The following RPS6KC1 variants were observed in gnomAD, a reference collection of about 807,000 sequenced individuals.
RPS6KC1 encodes inactive ribosomal protein S6 kinase delta-1.
RPS6KC1 carries 54 observed loss-of-function variants against 103.8 expected under a neutral mutation model. The observed-to-expected ratio is 0.52, with a 90% confidence interval of 0.42 to 0.65. The LOEUF (loss-of-function observed/expected upper bound fraction) is 0.65, where lower values mean the gene tolerates loss of function less well. Among genes scored for constraint, RPS6KC1 ranks in the 30% least tolerant of loss-of-function variants. The pLI is 0.00. For synonymous variants in RPS6KC1, 439 were observed against 438.7 expected (o/e 1.00, Z -0.01); for missense variants, 1,151 against 1,253.8 (o/e 0.92, Z 1.24).
the RPS6KC1 span, among the ~76,000 whole-genome samples, chr1:213,629,667 T>C: frequency 1.3e-5 from 2 of 152,220 alleles, no homozygotes; most frequent in Non-Finnish European, 1.5e-5. Flanking sequence ...TGATGCAGTT[T>C]CTTCCTAGCC....
chr1:213,445,698 A>G, the RPS6KC1 span, among the ~76,000 whole-genome samples: 1,316 of 152,314 alleles, frequency 8.6e-3, 7 homozygotes, highest in Non-Finnish European at 0.011. Flanking sequence ...AGGAATCTGA[A>G]GTAGCCGAGG....
At chr1:213,283,198 G>A in the RPS6KC1 span, among the ~76,000 whole-genome samples, 1 of 152,120 alleles carries the variant, frequency 6.6e-6, no homozygotes, top group Admixed American at 6.5e-5. Context: ...CGAAACTGAG[G>A]CCTGTGACAG....
chr1:213,168,634 T>C (rs1476333748), intron 7 of RPS6KC1, among the ~76,000 whole-genome samples: 1 of 152,156 alleles, frequency 6.6e-6, no homozygotes, highest in Non-Finnish European at 1.5e-5. Flanking sequence ...TCTTTTCTTT[T>C]TTTTTTGAAA....
intron 10 of RPS6KC1, among the ~76,000 whole-genome samples, chr1:213,238,813 A>G (rs2094286694): frequency 6.6e-6 from 1 of 152,194 alleles, no homozygotes; most frequent in Admixed American, 6.6e-5. Context: ...CACATTGTGT[A>G]GGCAGTAGAC....
chr1:213,718,787 A>T, the RPS6KC1 span, among the ~76,000 whole-genome samples: 1 of 152,164 alleles, frequency 6.6e-6, no homozygotes, highest in East Asian at 1.9e-4. Context: ...TTGCACTTGC[A>T]TGTGAATCAT....
chr1:213,795,722 A>G, the RPS6KC1 span, among the ~76,000 whole-genome samples: 30 of 151,996 alleles, frequency 2.0e-4, no homozygotes, highest in Non-Finnish European at 1.9e-4. Context: ...TCTCCCCCAA[A>G]CGTCCACCAT....
At chr1:213,633,966 T>A in the RPS6KC1 span, among the ~76,000 whole-genome samples, 1 of 104,742 alleles carries the variant, frequency 9.5e-6, no homozygotes, top group Admixed American at 1.1e-4. Flanking sequence ...CCAACAAAGA[T>A]CAAAAGAGAC....
chr1:213,156,959 G>A (rs1336974549), intron 6 of RPS6KC1, among the ~76,000 whole-genome samples: 1 of 151,628 alleles, frequency 6.6e-6, no homozygotes, highest in African/African-American at 2.4e-5. Flanking sequence ...TATATGGTTT[G>A]CTTTAATTTT....
chr1:213,364,479 T>C, the RPS6KC1 span, among the ~76,000 whole-genome samples: 1 of 152,160 alleles, frequency 6.6e-6, no homozygotes, highest in Non-Finnish European at 1.5e-5. Flanking sequence ...GTGGTTGTTG[T>C]TGGTGGGTTC....
the RPS6KC1 span, among the ~76,000 whole-genome samples, chr1:213,635,675 A>C: frequency 2.0e-5 from 3 of 152,328 alleles, no homozygotes; most frequent in Admixed American, 2.0e-4. Context: ...CTGAATGGGC[A>C]AAAACTGGAA....
At chr1:213,728,165 A>T in the RPS6KC1 span, among the ~76,000 whole-genome samples, 1 of 152,034 alleles carries the variant, frequency 6.6e-6, no homozygotes, top group South Asian at 2.1e-4. Flanking sequence ...GGAGGGGGAA[A>T]AATAATGGGA....
chr1:213,702,851 T>TTGTTTG, the RPS6KC1 span, among the ~76,000 whole-genome samples: 10 of 151,232 alleles, frequency 6.6e-5, no homozygotes, highest in African/African-American at 2.2e-4. Flanking sequence ...TTGAGGTTTT[T>TTGTTTG]TTTGTTTGTT....
At chr1:213,357,927 T>C in the RPS6KC1 span, among the ~76,000 whole-genome samples, 2 of 152,170 alleles carry the variant, frequency 1.3e-5, no homozygotes, top group Admixed American at 1.3e-4. Context: ...ATAAGCTACC[T>C]TGTGGTCGTT....
chr1:213,330,816 C>T, the RPS6KC1 span, among the ~76,000 whole-genome samples: 1 of 152,168 alleles, frequency 6.6e-6, no homozygotes, highest in Non-Finnish European at 1.5e-5. Context: ...GTTTAAGTGA[C>T]TGGCTCTTGG....
intron 6 of RPS6KC1, among the ~76,000 whole-genome samples, chr1:213,144,126 G>A (rs1429161654): frequency 1.3e-5 from 2 of 151,984 alleles, no homozygotes; most frequent in Non-Finnish European, 2.9e-5. Context: ...CTTTAGCCAC[G>A]TAAAATAACA....
chr1:213,229,765 T>C (rs1314119486), intron 8 of RPS6KC1, among the ~76,000 whole-genome samples: 1 of 152,134 alleles, frequency 6.6e-6, no homozygotes, highest in Non-Finnish European at 1.5e-5. Context: ...GGCTTAAGCT[T>C]TTTCTCTCAG....
chr1:213,286,456 A>G, the RPS6KC1 span, among the ~76,000 whole-genome samples: 2 of 152,194 alleles, frequency 1.3e-5, no homozygotes, highest in Non-Finnish European at 2.9e-5. Context: ...AGGTGGGACA[A>G]TTTGACCTTC....
the RPS6KC1 span, among the ~76,000 whole-genome samples, chr1:213,825,098 A>C: frequency 6.6e-6 from 1 of 152,244 alleles, no homozygotes. Flanking sequence ...AACCAATTCC[A>C]AAAGGAGTTA....
chr1:213,158,512 A>G (rs1295414785), intron 6 of RPS6KC1, among the ~76,000 whole-genome samples: 1 of 152,258 alleles, frequency 6.6e-6, no homozygotes, highest in East Asian at 1.9e-4. Context: ...GGATAGACAG[A>G]TACCCATAAC....
Sources: allele counts gnomAD v4.1 joint callset (sites outside exome capture counted in the v4.1 genomes callset), GRCh38; gene constraint gnomAD v4.1.1; transcripts MANE v1.5; gene names NCBI Gene and HGNC (gene_info 2026-07-23, HGNC 2026-07-21).